The following NAALADL2 variants were observed in gnomAD, a reference collection of about 807,000 sequenced individuals.
NAALADL2 encodes inactive N-acetylated-alpha-linked acidic dipeptidase-like protein 2.
A neutral mutation model predicts 87.2 loss-of-function variants in NAALADL2; 76 were observed. The ratio of observed to expected loss-of-function variants is 0.87; its 90% confidence interval spans 0.72 to 1.05. NAALADL2 has a LOEUF of 1.05. NAALADL2 is among the 50% of genes least tolerant of loss of function. The pLI is 0.00. For missense variants in NAALADL2, 1,089 were observed against 945.8 expected (o/e 1.15, Z -1.99); for synonymous variants, 354 against 331.0 (o/e 1.07, Z -0.75).
intron 11 of NAALADL2, among the ~76,000 whole-genome samples, chr3:175,684,483 C>A (rs757008020): frequency 4.6e-5 from 7 of 152,078 alleles, no homozygotes; most frequent in Non-Finnish European, 7.4e-5. Context: ...TAAGAATACT[C>A]TGAATAAAAA....
At chr3:174,500,395 C>G (rs1026191776) in intron 1 of NAALADL2, among the ~76,000 whole-genome samples, 3 of 152,028 alleles carry the variant, frequency 2.0e-5, no homozygotes, top group African/African-American at 7.2e-5. Context: ...TTGGCTCTTC[C>G]TTCCCAATCT....
At chr3:174,489,165 A>G (rs1338633214) in intron 1 of NAALADL2, among the ~76,000 whole-genome samples, 2 of 151,998 alleles carry the variant, frequency 1.3e-5, no homozygotes, top group African/African-American at 4.8e-5. Flanking sequence ...TTTTTTTCTT[A>G]AATTCTATAT....
intron 1 of NAALADL2, among the ~76,000 whole-genome samples, chr3:174,544,911 C>T (rs1004518837): frequency 4.6e-5 from 7 of 152,044 alleles, no homozygotes; most frequent in South Asian, 2.1e-4. Flanking sequence ...AGTCTAGCTC[C>T]GTTGCCCAGG....
intron 2 of NAALADL2, among the ~76,000 whole-genome samples, chr3:174,618,069 A>C (rs957709405): frequency 6.6e-6 from 1 of 151,772 alleles, no homozygotes; most frequent in African/African-American, 2.4e-5. Context: ...AGAGCTGACT[A>C]TCTAAAGAGG....
intron 1 of NAALADL2, among the ~76,000 whole-genome samples, chr3:175,022,661 A>AT (rs569236868): frequency 1.4e-4 from 22 of 152,214 alleles, no homozygotes; most frequent in African/African-American, 5.1e-4. Flanking sequence ...GTTACCTTTC[A>AT]TTCTAATCCT....
At chr3:175,601,649 A>G (rs13063406) in intron 10 of NAALADL2, among the ~76,000 whole-genome samples, 108,460 of 151,976 alleles carry the variant, frequency 0.71, 39,249 homozygotes, top group East Asian at 0.85. Flanking sequence ...TTATTGTTCT[A>G]GGTAAAAATT....
intron 2 of NAALADL2, among the ~76,000 whole-genome samples, chr3:175,196,052 A>C: frequency 6.6e-6 from 1 of 151,920 alleles, no homozygotes; most frequent in Admixed American, 6.6e-5. Context: ...ATATTAAATA[A>C]ACTTTAAAAG....
At chr3:174,690,944 C>T (rs1335799698) in intron 2 of NAALADL2, among the ~76,000 whole-genome samples, 2 of 152,064 alleles carry the variant, frequency 1.3e-5, no homozygotes, top group East Asian at 3.9e-4. Flanking sequence ...CTCATCACTG[C>T]CCCTTTTCAT....
chr3:175,381,701 T>C (rs182877059), intron 5 of NAALADL2, among the ~76,000 whole-genome samples: 220 of 152,318 alleles, frequency 1.4e-3, no homozygotes, highest in African/African-American at 5.1e-3. Context: ...CTTATATGGT[T>C]AAATTTTTTG....
chr3:175,095,790 TAGTG>T (rs1216202951), intron 1 of NAALADL2, among the ~76,000 whole-genome samples: 3 of 152,068 alleles, frequency 2.0e-5, no homozygotes, highest in Non-Finnish European at 4.4e-5. Context: ...TCATAAAACA[TAGTG>T]AGGGATCTAA....
At chr3:175,324,034 AAAAAAAAAAG>A (rs1221070279) in intron 4 of NAALADL2, 131 bp from the exon 5 acceptor site, 16 of 637,274 alleles carry the variant, frequency 2.5e-5, no homozygotes, top group Non-Finnish European at 3.5e-5. Flanking sequence ...CAAACAAAAA[AAAAAAAAAAG>A]AAAAAGAAAA....
chr3:174,644,809 C>A (rs1436412137), intron 2 of NAALADL2, among the ~76,000 whole-genome samples: 2 of 152,042 alleles, frequency 1.3e-5, no homozygotes, highest in Admixed American at 6.6e-5. Context: ...AAATTGCATG[C>A]CTGCAAAAAG....
chr3:174,456,720 A>G (rs1715862829), intron 1 of NAALADL2, among the ~76,000 whole-genome samples: 1 of 152,182 alleles, frequency 6.6e-6, no homozygotes, highest in African/African-American at 2.4e-5. Flanking sequence ...AAATCAACTC[A>G]AGATGGATCA....
chr3:174,822,563 A>G (rs569838865), intron 3 of NAALADL2, among the ~76,000 whole-genome samples: 1 of 152,306 alleles, frequency 6.6e-6, no homozygotes, highest in Non-Finnish European at 1.5e-5. Context: ...ACTTGGGAAC[A>G]AGGGAGAAGG....
At chr3:174,490,509 CT>C (rs1718114333) in intron 1 of NAALADL2, among the ~76,000 whole-genome samples, 1 of 152,106 alleles carries the variant, frequency 6.6e-6, no homozygotes, top group Non-Finnish European at 1.5e-5. Context: ...CTAAAAACCA[CT>C]GAATCATAGA....
chr3:174,932,275 A>G (rs1737013616), intron 1 of NAALADL2, among the ~76,000 whole-genome samples: 1 of 152,232 alleles, frequency 6.6e-6, no homozygotes, highest in Admixed American at 6.5e-5. Flanking sequence ...ATCAAAACAA[A>G]GAAACTGCTC....
At chr3:174,862,158 C>T (rs566038409) in intron 1 of NAALADL2, among the ~76,000 whole-genome samples, 6 of 151,910 alleles carry the variant, frequency 3.9e-5, no homozygotes, top group Non-Finnish European at 8.8e-5. Flanking sequence ...TAAAATTGTA[C>T]AAATAATATG....
intron 2 of NAALADL2, among the ~76,000 whole-genome samples, chr3:175,171,782 T>C (rs74432370): frequency 0.015 from 2,233 of 152,196 alleles, 27 homozygotes; most frequent in Middle Eastern, 0.065. Context: ...CTTTAGTTCA[T>C]TTTATGTGAA....
intron 2 of NAALADL2, among the ~76,000 whole-genome samples, chr3:175,120,385 T>C (rs1266693041): frequency 6.6e-6 from 1 of 151,824 alleles, no homozygotes; most frequent in East Asian, 1.9e-4. Flanking sequence ...ATAGTGTTTG[T>C]AGAGGCATCT....
Sources: gnomAD v4.1 joint callset for allele counts (sites outside exome capture counted in the v4.1 genomes callset) on GRCh38, gnomAD v4.1.1 for gene constraint, MANE v1.5 for transcripts, NCBI Gene and HGNC (gene_info 2026-07-23, HGNC 2026-07-21) for gene names.